CCDC91: variants seen among roughly 807,000 people sequenced by gnomAD.
CCDC91 encodes coiled-coil domain-containing protein 91.
A neutral mutation model predicts 63.2 loss-of-function variants in CCDC91; 48 were observed. The ratio of observed to expected loss-of-function variants is 0.76; its 90% CI spans 0.60 to 0.97. The LOEUF (loss-of-function observed/expected upper bound fraction) is 0.97, where lower values mean the gene tolerates loss of function less well. CCDC91 is among the 50% of genes least tolerant of loss of function. The pLI is 0.00. For missense variants in CCDC91, 500 were observed against 494.6 expected (o/e 1.01, Z -0.10); for synonymous variants, 167 against 165.8 (o/e 1.01, Z -0.06).
intron 8 of CCDC91, among the ~76,000 whole-genome samples, chr12:28,439,726 C>CTTTT (rs1949085856): frequency 7.7e-6 from 1 of 129,704 alleles, no homozygotes. Flanking sequence ...TTTTTTCTTT[C>CTTTT]TTTTTTCTTT....
chr12:28,317,743 A>G (rs1940049451), intron 6 of CCDC91, among the ~76,000 whole-genome samples: 1 of 151,950 alleles, frequency 6.6e-6, no homozygotes, highest in Non-Finnish European at 1.5e-5. Flanking sequence ...TGCAGTGATC[A>G]CAAGCATATC....
At position 28,257,187 on chromosome 12, in the gene CCDC91, T is replaced by G; in HGVS notation, c.-14-15T>G. 6.3e-7 allele frequency: 1 copy of G among 1,580,678 alleles called. No homozygotes were observed. Among genetic ancestry groups the G allele is most frequent in the Non-Finnish European group, 8.7e-7 (1 of 1,149,998 alleles). The stretch of plus-strand genomic sequence containing the variant: ...GTGTGTGTGCGGGCTTGTTTCAATA[T>G]CTTATATTTTTCAGGTGCCACTTGA... On this transcript the variant is annotated splice_polypyrimidine_tract_variant and intron_variant, in intron 1 of 12. Coordinates refer to ENST00000536442, the MANE Select transcript of CCDC91 (RefSeq NM_018318.5).
In CCDC91 at chr12:28,519,457, T is replaced by A. The variant is rs2141394733; in HGVS notation, c.1216-29606T>A. On this transcript the variant is annotated intron_variant, in intron 12 of 12. Coordinates refer to ENST00000536442, the MANE Select transcript of CCDC91 (RefSeq NM_018318.5). Reference sequence around the variant, plus strand: ...ACTTTTGTCAGTTCTAGAAGCTGTCTGGAGGAGTCTTTAGGGTTTTCTAGG... The same window carrying A: ...ACTTTTGTCAGTTCTAGAAGCTGTCAGGAGGAGTCTTTAGGGTTTTCTAGG... Among the ~76,000 whole-genome samples, 3 of 152,136 alleles carry A rather than the reference T, an allele frequency of 2.0e-5. No individual in the cohort carries two copies. The South Asian group carries it at 6.2e-4, about 32-fold the overall frequency.
In CCDC91 at chr12:28,216,247, T is replaced by G. The variant is rs542459116; in HGVS notation, c.-15+25606T>G. 3.3e-5 allele frequency among the ~76,000 whole-genome samples: 5 copies of G among 152,232 alleles called. No homozygotes were observed. In the South Asian group the frequency reaches 1.0e-3, roughly 32 times the overall value. ...TGCAGATCATTTAAGCTTTCTTTGT[T>G]GTTCATCAACTCTCACTAGAATCCT... On this transcript the variant is annotated intron_variant, in intron 1 of 12. Coordinates refer to ENST00000536442, the MANE Select transcript of CCDC91 (RefSeq NM_018318.5).
chr12:28,436,816 A>T (rs1450675639), intron 8 of CCDC91, among the ~76,000 whole-genome samples: 1 of 151,932 alleles, frequency 6.6e-6, no homozygotes, highest in Admixed American at 6.6e-5. Context: ...CATGTTCTGT[A>T]GAAAAACATG....
chr12:28,219,651 T>C (rs935071780), intron 1 of CCDC91, among the ~76,000 whole-genome samples: 1 of 151,956 alleles, frequency 6.6e-6, no homozygotes, highest in Non-Finnish European at 1.5e-5. Context: ...TTTTGTATTT[T>C]TTTAGTAGAG....
At chr12:28,415,670 G>GTC (rs576065282) in intron 8 of CCDC91, among the ~76,000 whole-genome samples, 1 of 151,510 alleles carries the variant, frequency 6.6e-6, no homozygotes, top group Non-Finnish European at 1.5e-5. Context: ...ATATTTGTGT[G>GTC]TGTGTGTGTG....
chr12:28,452,474 G>T lies in CCDC91; in HGVS notation c.925-4G>T. 1 of 1,538,366 alleles carries T rather than the reference G, an allele frequency of 6.5e-7. No homozygotes were observed. The highest frequency in any genetic ancestry group is 1.2e-5 in the South Asian group (1 of 81,514). The stretch of plus-strand genomic sequence containing the variant: ...ATTTGTTCTGGTCTTTATTTATTTT[G>T]AAGCTTGAAAAAGAAGCAGTGAAGG... On this transcript the variant is annotated splice_polypyrimidine_tract_variant and splice_region_variant and intron_variant, in intron 10 of 12. Coordinates refer to ENST00000536442, the MANE Select transcript of CCDC91 (RefSeq NM_018318.5).
rs1398613285 is a variant in CCDC91, at chr12:28,190,661, C to G, written c.-15+20C>G. On this transcript the variant is annotated intron_variant, in intron 1 of 12. Coordinates refer to ENST00000536442, the MANE Select transcript of CCDC91 (RefSeq NM_018318.5). ...GAGCAGGTAAGTGAACGCTCGCCTT[C>G]CGGGGCCTGGGTCTTGGGGTCGGGG... is the stretch of plus-strand genomic sequence containing the variant. The G allele has an allele frequency of 6.5e-6, 1 of 152,694 alleles. No individual in the cohort carries two copies. Among genetic ancestry groups the G allele is most frequent in the African/African-American group, 2.4e-5 (1 of 41,460 alleles). 9.5% of individuals were successfully genotyped at this position (152,694 alleles called of 1,614,324 possible). A position where few individuals can be genotyped will look rare whatever the true frequency, so the allele number is the denominator to read the frequency against.
intron 8 of CCDC91, among the ~76,000 whole-genome samples, chr12:28,395,911 CCTCT>C (rs929108395): frequency 2.2e-4 from 34 of 152,268 alleles, no homozygotes; most frequent in African/African-American, 4.6e-4. Context: ...TATCACAGTC[CCTCT>C]CTCCTCTTTA....
At chr12:28,471,696 A>G (rs367872464) in intron 11 of CCDC91, among the ~76,000 whole-genome samples, 1 of 150,038 alleles carries the variant, frequency 6.7e-6, no homozygotes, top group Non-Finnish European at 1.5e-5. Flanking sequence ...AACTCATAAT[A>G]ATTATTTACT....
intron 6 of CCDC91, among the ~76,000 whole-genome samples, chr12:28,325,524 A>G (rs566470962): frequency 5.0e-4 from 76 of 152,052 alleles, no homozygotes; most frequent in Non-Finnish European, 7.6e-4. Flanking sequence ...TAGAAAGTGA[A>G]TAAGTGATGA....
At chr12:28,433,181 GA>G (rs1290264548) in intron 8 of CCDC91, among the ~76,000 whole-genome samples, 2 of 151,656 alleles carry the variant, frequency 1.3e-5, no homozygotes, top group African/African-American at 4.8e-5. Context: ...TCATTCTCCT[GA>G]CACTATCTTT....
intron 3 of CCDC91, among the ~76,000 whole-genome samples, chr12:28,264,480 C>G (rs1251644308): frequency 6.6e-6 from 1 of 150,602 alleles, no homozygotes; most frequent in Non-Finnish European, 1.5e-5. Flanking sequence ...CTAATAAGAG[C>G]AGAGACTTTT....
chr12:28,384,279 A>G (rs1014280777), intron 7 of CCDC91, among the ~76,000 whole-genome samples: 2 of 152,176 alleles, frequency 1.3e-5, no homozygotes, highest in Non-Finnish European at 2.9e-5. Flanking sequence ...ACTGATAGTA[A>G]GTATATTTAC....
intron 11 of CCDC91, among the ~76,000 whole-genome samples, chr12:28,471,344 A>G (rs2140655420): frequency 6.6e-6 from 1 of 152,338 alleles, no homozygotes; most frequent in South Asian, 2.1e-4. Flanking sequence ...GGTACAATAA[A>G]GACATTTTAC....
At chr12:28,217,250 A>G (rs1943623861) in intron 1 of CCDC91, among the ~76,000 whole-genome samples, 1 of 152,200 alleles carries the variant, frequency 6.6e-6, no homozygotes, top group Non-Finnish European at 1.5e-5. Context: ...CACACAGAAT[A>G]TATGTATATG....
chr12:28,360,470 C>T (rs1170413582), intron 6 of CCDC91, among the ~76,000 whole-genome samples: 1 of 152,160 alleles, frequency 6.6e-6, no homozygotes, highest in Non-Finnish European at 1.5e-5. Flanking sequence ...CACGTGTCTT[C>T]TGCTGTCATC....
intron 11 of CCDC91, among the ~76,000 whole-genome samples, chr12:28,458,601 C>CT (rs1950168909): frequency 6.6e-6 from 1 of 151,286 alleles, no homozygotes; most frequent in Non-Finnish European, 1.5e-5. Context: ...TCCTGAATAG[C>CT]TGCAACTACA....
Sources: allele counts gnomAD v4.1 joint callset (sites outside exome capture counted in the v4.1 genomes callset), GRCh38; gene constraint gnomAD v4.1.1; transcripts MANE v1.5; gene names NCBI Gene and HGNC (gene_info 2026-07-23, HGNC 2026-07-21).